Variants in CUBN observed in about 807,000 individuals in gnomAD.
The protein encoded by CUBN is 460 kDa receptor.
CUBN carries 282 observed loss-of-function variants against 405.3 expected under a neutral mutation model. The observed-to-expected ratio is 0.70, with a 90% CI of 0.63 to 0.77. The LOEUF (loss-of-function observed/expected upper bound fraction) is 0.77, where lower values mean the gene tolerates loss of function less well. CUBN is among the 30% of genes least tolerant of loss of function. CUBN has a pLI of 0.00. For missense variants in CUBN, 4,514 were observed against 4,475.2 expected (o/e 1.01, Z -0.25); for synonymous variants, 1,684 against 1,617.0 (o/e 1.04, Z -0.99).
intron 27 of CUBN, among the ~76,000 whole-genome samples, chr10:17,032,528 A>T (rs1368082000): frequency 2.0e-5 from 3 of 152,182 alleles, no homozygotes; most frequent in Non-Finnish European, 4.4e-5. Flanking sequence ...ATACTCAGTT[A>T]CTGGACTACT....
At chr10:17,059,386 G>A (rs1194788823) in intron 22 of CUBN, among the ~76,000 whole-genome samples, 1 of 152,148 alleles carries the variant, frequency 6.6e-6, no homozygotes, top group Admixed American at 6.6e-5. Context: ...ATCCTCTGGA[G>A]AGAGGAATGC....
Position 17,088,221 on chromosome 10 carries a change from A to T in CUBN, c.1890T>A (p.Phe630Leu). 1 of 1,613,870 alleles carries T rather than the reference A, an allele frequency of 6.2e-7. No homozygotes were observed. Among genetic ancestry groups the T allele is most frequent in the Non-Finnish European group, 8.5e-7 (1 of 1,179,780 alleles). The part of the protein sequence containing the change: ...VVTSPDLLVT[F>L]TFGTLSLEHH... ...GCTCGAGGCTCAAGGTCCCAAAAGT[A>T]AATGTTACCAGGAGGTCAGGACTAG... Residue 630 changes from phenylalanine to leucine, a missense_variant, in exon 15 of 67, where the codon TTT becomes TTA. Coordinates refer to ENST00000377833, the MANE Select transcript of CUBN (RefSeq NM_001081.4).
chr10:16,880,289 T>C (rs1048384974), intron 56 of CUBN, among the ~76,000 whole-genome samples: 2 of 152,198 alleles, frequency 1.3e-5, no homozygotes, highest in African/African-American at 4.8e-5. Flanking sequence ...GATTGACTGA[T>C]TGATAATTCC....
Position 16,915,835 on chromosome 10 carries a change from T to A in CUBN, c.7196A>T (p.Asp2399Val), listed in dbSNP as rs373840801. The change falls in exon 46 of 67, where the codon GAC becomes GTC. Residue 2399 changes from aspartate (D) to valine (V), a missense_variant. Asp to Val is a radical substitution (Grantham distance 152, BLOSUM62 -3). This residue lies in a region of CUBN where 1,613 missense variants were observed against 1,542.8 expected (regional missense o/e 1.05). Transcript: ENST00000377833. ...GCEKDFVEIW[D>V]NHTSGNILGR... ...ATTTTACTAACCAGAGGTATGATTG[T>A]CCCAGATCTCCACGAAGTCTTTTTC... is the stretch of plus-strand genomic sequence containing the variant. The A allele has an allele frequency of 1.2e-6, 2 of 1,612,700 alleles. No individual in the cohort carries two copies. Among genetic ancestry groups the A allele is most frequent in the Non-Finnish European group, 1.7e-6 (2 of 1,179,662 alleles).
chr10:17,061,216 G>T (rs1309745016), intron 22 of CUBN, among the ~76,000 whole-genome samples: 2 of 152,168 alleles, frequency 1.3e-5, no homozygotes, highest in Non-Finnish European at 2.9e-5. Flanking sequence ...ATCATGAGCA[G>T]TTACAGTCCA....
rs1241703588 is a variant in CUBN at position 16,933,255 on chromosome 10, C to G, written c.5956G>C (p.Asp1986His). The change falls in exon 40 of 67, where the codon GAT becomes CAT. Residue 1986 changes from aspartate (D) to histidine (H), a missense_variant. Physicochemically the swap from Asp to His is moderately conservative, Grantham distance 81. This residue lies in a region of CUBN where 1,613 missense variants were observed against 1,542.8 expected (regional missense o/e 1.05). Coordinates refer to ENST00000377833, the MANE Select transcript of CUBN (RefSeq NM_001081.4). ...GACGGFLRTGDAPVFLFSPGW... is the reference protein window; with the variant it reads ...GACGGFLRTGHAPVFLFSPGW... ...GGGGAGAAGAGAAACACGGGTGCAT[C>G]TCCCGTCCTCAGGAAGCCACCACAA... 6.2e-7 allele frequency: 1 copy of G among 1,613,740 alleles called. No homozygotes were observed. Among genetic ancestry groups the G allele is most frequent in the African/African-American group, 1.3e-5 (1 of 74,912 alleles).
intron 28 of CUBN, among the ~76,000 whole-genome samples, chr10:17,011,331 C>T (rs138965278): frequency 6.0e-4 from 92 of 152,196 alleles, no homozygotes; most frequent in African/African-American, 2.1e-3. Flanking sequence ...TCCGCAGTTT[C>T]GTCCTTCCAG....
rs1310058065 is a variant in CUBN at position 16,837,852 on chromosome 10, C to T, written c.10033-1470G>A. On this transcript the variant is annotated intron_variant, in intron 62 of 66. Transcript: ENST00000377833. ...GAAAACATTATTCAGTCATGACAAA[C>T]ACTGGGTCTTACTCGAGGCTGCTCC... Among the ~76,000 whole-genome samples the T allele has an allele frequency of 2.0e-5, 3 of 152,326 alleles. No individual in the cohort carries two copies. In the East Asian group the frequency reaches 5.8e-4, roughly 29 times the overall value.
rs991393580 is a variant in CUBN at position 16,890,565 on chromosome 10, T to C, written c.8599-38A>G. 7 of 1,611,772 alleles carry C rather than the reference T, an allele frequency of 4.3e-6. No homozygotes were observed. The African/African-American group carries it at 9.4e-5, about 22-fold the overall frequency. On this transcript the variant is annotated intron_variant, in intron 54 of 66. Transcript: ENST00000377833. Reference sequence around the variant, plus strand: ...TACACAGAACTTTAATGCTCAAGGGTTTCCCATCAATATTTTAATGCACTT... The same window carrying C: ...TACACAGAACTTTAATGCTCAAGGGCTTCCCATCAATATTTTAATGCACTT...
intron 50 of CUBN, among the ~76,000 whole-genome samples, chr10:16,904,336 G>A (rs1004190914): frequency 6.6e-6 from 1 of 152,204 alleles, no homozygotes; most frequent in African/African-American, 2.4e-5. Flanking sequence ...ATTTTGAAAT[G>A]AACCTCTATG....
chr10:17,004,605 C>T (rs550541997), intron 28 of CUBN, among the ~76,000 whole-genome samples: 3 of 152,062 alleles, frequency 2.0e-5, no homozygotes, highest in South Asian at 2.1e-4. Context: ...ATGATTCCTT[C>T]TTCTGTCTCC....
intron 60 of CUBN, among the ~76,000 whole-genome samples, chr10:16,848,076 G>C (rs916339173): frequency 6.6e-6 from 1 of 151,872 alleles, no homozygotes; most frequent in East Asian, 1.9e-4. Flanking sequence ...GTTCTGAACA[G>C]AATTTATTTG....
At chr10:16,826,337 T>A (rs1226930380) in intron 66 of CUBN, among the ~76,000 whole-genome samples, 1 of 152,048 alleles carries the variant, frequency 6.6e-6, no homozygotes, top group Non-Finnish European at 1.5e-5. Flanking sequence ...ACTTAAGGAG[T>A]ATACATACAA....
chr10:16,895,382 CAT>C (rs766807427), intron 54 of CUBN, among the ~76,000 whole-genome samples: 23 of 149,272 alleles, frequency 1.5e-4, no homozygotes, highest in African/African-American at 3.3e-4. Flanking sequence ...CACACACACA[CAT>C]ATATATGTCA....
rs776004236 is a variant in CUBN, at chr10:17,068,030, T to G, written c.3008+34A>C. 5 of 1,547,410 alleles carry G rather than the reference T, an allele frequency of 3.2e-6. No individual in the cohort carries two copies. The South Asian group carries it at 5.6e-5, about 17-fold the overall frequency. On this transcript the variant is annotated intron_variant, in intron 21 of 66. Coordinates refer to ENST00000377833, the MANE Select transcript of CUBN (RefSeq NM_001081.4). ...ACTGAAGCAGGAAATCAGTGAAGTT[T>G]TATTGTTAAACAAACAAACAAACAT... is the stretch of plus-strand genomic sequence containing the variant.
At chr10:17,048,306 G>A (rs540519914) in intron 22 of CUBN, among the ~76,000 whole-genome samples, 3 of 152,332 alleles carry the variant, frequency 2.0e-5, no homozygotes, top group Non-Finnish European at 2.9e-5. Flanking sequence ...ATTTAGCATA[G>A]TACCTGGACA....
chr10:17,122,847 G>T lies in CUBN; in HGVS notation c.541C>A (p.Pro181Thr), dbSNP rs1451831965. The T allele has an allele frequency of 6.2e-7, 1 of 1,613,732 alleles. No homozygotes were observed. The highest frequency in any genetic ancestry group is 8.5e-7 in the Non-Finnish European group (1 of 1,179,936). Residue 181 changes from proline (P) to threonine (T), a missense_variant, in exon 6 of 67, where the codon CCC (proline) becomes ACC (threonine). This residue lies in a region of CUBN where 1,448 missense variants were observed against 1,388.0 expected (regional missense o/e 1.04). Transcript: ENST00000377833. ...GTGCCTCCATTCTGGCAGCTCAAGG[G>T]TGTTCCTGAGTAAATCTCACATTCG... The part of the protein sequence containing the change: ...VNECEIYSGT[P>T]LSCQNGGTCV...
chr10:16,872,155 G>A (rs191688091), intron 58 of CUBN, among the ~76,000 whole-genome samples: 7 of 152,118 alleles, frequency 4.6e-5, no homozygotes, highest in African/African-American at 9.6e-5. Context: ...TGGGAGAATC[G>A]CTTGAACCCA....
intron 15 of CUBN, among the ~76,000 whole-genome samples, chr10:17,087,766 C>A (rs1415465837): frequency 6.6e-6 from 1 of 152,202 alleles, no homozygotes; most frequent in Non-Finnish European, 1.5e-5. Flanking sequence ...TGAGCCACCA[C>A]ACCCGGCCTC....
Sources: allele counts gnomAD v4.1 joint callset (sites outside exome capture counted in the v4.1 genomes callset), GRCh38; gene constraint gnomAD v4.1.1; regional missense constraint gnomAD v4.1.1; transcripts MANE v1.5; gene names NCBI Gene and HGNC (gene_info 2026-07-23, HGNC 2026-07-21).